Variants in BLTP3B observed in about 807,000 individuals in gnomAD.
The protein encoded by BLTP3B is UHRF1 (ICBP90) binding protein 1-like.
At chr12:100,058,506 G>T in the BLTP3B span, 2 of 1,613,244 alleles carry the variant, frequency 1.2e-6, no homozygotes, top group Admixed American at 1.7e-5. Context: ...ATGATTAACA[G>T]TTACACTTCT....
chr12:100,116,420 G>T, the BLTP3B span, among the ~76,000 whole-genome samples: 10 of 136,714 alleles, frequency 7.3e-5, no homozygotes, highest in African/African-American at 2.8e-4. Flanking sequence ...CCACACTCCA[G>T]CCTGGGCAAC....
chr12:100,063,705 CAAA>C, the BLTP3B span, among the ~76,000 whole-genome samples: 3 of 89,002 alleles, frequency 3.4e-5, no homozygotes, highest in Admixed American at 1.3e-4. Flanking sequence ...AACTCCGTCT[CAAA>C]AAAAAAAAAA....
the BLTP3B span, chr12:100,086,314 TA>T: frequency 7.1e-7 from 1 of 1,407,482 alleles, no homozygotes; most frequent in Non-Finnish European, 9.4e-7. Context: ...GTTAGCTGTG[TA>T]AAAGAGAGTT....
chr12:100,115,296 C>T, the BLTP3B span, among the ~76,000 whole-genome samples: 1 of 152,054 alleles, frequency 6.6e-6, no homozygotes, highest in Non-Finnish European at 1.5e-5. Flanking sequence ...ATCCCAGCTA[C>T]TTGGGAGGCT....
chr12:100,103,815 C>A, the BLTP3B span: 3 of 1,084,444 alleles, frequency 2.8e-6, no homozygotes, highest in Non-Finnish European at 2.5e-6. Context: ...GTGAAAAATC[C>A]AGACTATATT....
chr12:100,083,118 C>T, the BLTP3B span: 1 of 1,613,388 alleles, frequency 6.2e-7, no homozygotes, highest in Admixed American at 1.7e-5. Flanking sequence ...ATGTCCCTTT[C>T]AGAGGGTAGT....
At chr12:100,142,771 C>G in the BLTP3B span, 5 of 1,352,622 alleles carry the variant, frequency 3.7e-6, no homozygotes, top group East Asian at 1.4e-4. Flanking sequence ...AGACCCAAGG[C>G]CCCGGCCAAG....
the BLTP3B span, among the ~76,000 whole-genome samples, chr12:100,065,861 C>G: frequency 0.95 from 144,106 of 152,196 alleles, 68,336 homozygotes; most frequent in East Asian, 1. Flanking sequence ...TGAAGCATGT[C>G]ATCTTTGTGA....
the BLTP3B span, chr12:100,057,804 A>C: frequency 2.7e-6 from 4 of 1,463,882 alleles, no homozygotes; most frequent in African/African-American, 5.8e-5. Context: ...CTATCTAAAA[A>C]ATACTTCTAA....
the BLTP3B span, among the ~76,000 whole-genome samples, chr12:100,093,836 C>T: frequency 2.6e-5 from 4 of 152,140 alleles, no homozygotes; most frequent in African/African-American, 9.7e-5. Flanking sequence ...ACTCTAGTAA[C>T]ACCAAATTTC....
the BLTP3B span, chr12:100,102,946 T>C: frequency 1.1e-6 from 1 of 876,690 alleles, no homozygotes; most frequent in Non-Finnish European, 1.6e-6. Flanking sequence ...CTCTTTCATT[T>C]TTCTTTAGGA....
the BLTP3B span, chr12:100,057,900 T>C: frequency 3.1e-6 from 4 of 1,301,138 alleles, no homozygotes; most frequent in Non-Finnish European, 4.2e-6. Flanking sequence ...TTGAAACATC[T>C]ACTCTTCTAC....
chr12:100,081,954 T>C, the BLTP3B span, among the ~76,000 whole-genome samples: 10 of 152,282 alleles, frequency 6.6e-5, no homozygotes, highest in Middle Eastern at 3.4e-3. Context: ...GGTCAATTGG[T>C]AGTTCTTTTT....
chr12:100,059,637 C>T, the BLTP3B span: 7 of 1,286,616 alleles, frequency 5.4e-6, no homozygotes, highest in Non-Finnish European at 6.2e-6. Flanking sequence ...GACCTTTCCC[C>T]CAAAATACTA....
the BLTP3B span, among the ~76,000 whole-genome samples, chr12:100,104,884 CAAAAAAAAAAAAAA>C: frequency 0.014 from 899 of 66,104 alleles, 18 homozygotes; most frequent in African/African-American, 0.043. Flanking sequence ...ACTGCTACTA[CAAAAAAAAAAAAAA>C]AAAAAAAAAA....
chr12:100,112,654 T>A, the BLTP3B span, among the ~76,000 whole-genome samples: 1 of 147,866 alleles, frequency 6.8e-6, no homozygotes, highest in Non-Finnish European at 1.5e-5. Flanking sequence ...AGTAAACATT[T>A]AAGGGCAAAA....
the BLTP3B span, chr12:100,102,774 T>C: frequency 8.7e-6 from 14 of 1,606,394 alleles, no homozygotes; most frequent in African/African-American, 4.0e-5. Context: ...ACCTTTGTCC[T>C]GAAGCAGTTG....
the BLTP3B span, among the ~76,000 whole-genome samples, chr12:100,086,792 C>A: frequency 1.3e-5 from 2 of 152,162 alleles, no homozygotes; most frequent in Non-Finnish European, 2.9e-5. Context: ...GGACATACAG[C>A]TAGTTAAGTG....
At chr12:100,111,513 T>C in the BLTP3B span, among the ~76,000 whole-genome samples, 3 of 152,020 alleles carry the variant, frequency 2.0e-5, no homozygotes, top group Admixed American at 6.6e-5. Context: ...GTGCAGTGGT[T>C]TGATTTTGGC....
Sources: allele counts gnomAD v4.1 joint callset (sites outside exome capture counted in the v4.1 genomes callset), GRCh38; gene constraint gnomAD v4.1.1; transcripts MANE v1.5; gene names NCBI Gene and HGNC (gene_info 2026-07-23, HGNC 2026-07-21).